Variants in MTFR1 observed in about 807,000 individuals in gnomAD.
MTFR1 encodes mitochondrial fission regulator 1.
A neutral mutation model predicts 38.8 loss-of-function variants in MTFR1; 28 were observed. That is an observed-to-expected ratio of 0.72 (90% CI 0.53 to 0.99). MTFR1 has a LOEUF of 0.99. MTFR1 is among the 50% of genes least tolerant of loss of function. MTFR1 has a pLI of 0.00. For synonymous variants in MTFR1, 145 were observed against 137.0 expected (o/e 1.06, Z -0.41); for missense variants, 358 against 395.5 (o/e 0.91, Z 0.81).
chr8:65,720,391 CT>C (rs942074908), intron 3 of MTFR1: 1 of 154,104 alleles, frequency 6.5e-6, no homozygotes, highest in Non-Finnish European at 1.5e-5. Context: ...TTAAAATTTT[CT>C]TCATATCCAA....
At position 65,704,925 on chromosome 8, in the gene MTFR1, T is replaced by C; in HGVS notation, c.513T>C (p.Thr171=). The part of the protein sequence containing the change: ...IVTQQEQQNL[T]AGDLDSTTFG... The stretch of plus-strand genomic sequence containing the variant: ...CCCAGCAGGAGCAGCAAAATCTCAC[T>C]GCAGGTCTGTAAGTCCTACATTTGT... The change falls in exon 5 of 8, where the codon ACT becomes ACC. Residue 171 remains threonine, a synonymous_variant. Transcript: ENST00000262146. 6.3e-7 allele frequency: 1 copy of C among 1,580,218 alleles called. No individual in the cohort carries two copies. Among genetic ancestry groups the C allele is most frequent in the Non-Finnish European group, 8.6e-7 (1 of 1,159,824 alleles).
downstream of MTFR1, among the ~76,000 whole-genome samples, chr8:65,715,107 G>T (rs1806079368): frequency 6.6e-6 from 1 of 152,052 alleles, no homozygotes; most frequent in Non-Finnish European, 1.5e-5. Context: ...AAAATTTTTA[G>T]TCTCCCATGT....
chr8:65,762,734 GATTT>G (rs1168995012), intron 3 of MTFR1, among the ~76,000 whole-genome samples: 1 of 151,970 alleles, frequency 6.6e-6, no homozygotes, highest in Admixed American at 6.6e-5. Context: ...AACAAAACCA[GATTT>G]ATTTTTCATG....
In MTFR1 at chr8:65,768,974, G is replaced by A. The variant is rs556568478; in HGVS notation, c.*49-1973G>A. Among the ~76,000 whole-genome samples, 13 of 152,230 alleles carry A rather than the reference G, an allele frequency of 8.5e-5. No homozygotes were observed. The East Asian group carries it at 9.6e-4, about 11-fold the overall frequency. On this transcript the variant is annotated intron_variant, in intron 3 of 3. Transcript: ENST00000521247. ...CTAAAAGTAACAGACATGGCCAGGC[G>A]AGGTGGCTCACACCTGTAATCCCAG...
chr8:65,704,672 C>T (rs1359702363), intron 4 of MTFR1, 22 bp from the exon 5 acceptor site: 1 of 1,603,904 alleles, frequency 6.2e-7, no homozygotes, highest in Admixed American at 1.7e-5. Context: ...CTGTGACAGC[C>T]CACCTTATGT....
chr8:65,718,391 T>G (rs535486762), intron 2 of MTFR1: 3 of 152,352 alleles, frequency 2.0e-5, no homozygotes, highest in East Asian at 3.9e-4. Context: ...CATCCCACTT[T>G]TATTTCAGAT....
downstream of MTFR1, chr8:65,714,280 T>C (rs1188977434): frequency 2.0e-5 from 3 of 151,590 alleles, no homozygotes; most frequent in East Asian, 5.8e-4. Context: ...AGAGTTTCAA[T>C]ATAATCTCTT....
intron 1 of MTFR1, among the ~76,000 whole-genome samples, chr8:65,653,986 C>A (rs146537996): frequency 6.6e-6 from 1 of 151,392 alleles, no homozygotes; most frequent in Non-Finnish European, 1.5e-5. Context: ...TCACTTGAGC[C>A]CGGGAGCTTA....
intron 2 of MTFR1, among the ~76,000 whole-genome samples, chr8:65,680,991 C>G (rs541945138): frequency 2.3e-4 from 34 of 149,696 alleles, no homozygotes; most frequent in Non-Finnish European, 3.8e-4. Flanking sequence ...CGGCTCACTG[C>G]AAGCTCCGCC....
downstream of MTFR1, among the ~76,000 whole-genome samples, chr8:65,775,104 T>C (rs2128922302): frequency 6.6e-6 from 1 of 152,288 alleles, no homozygotes; most frequent in South Asian, 2.1e-4. Flanking sequence ...AAATAGTCCA[T>C]TTCGATTCTT....
intron 2 of MTFR1, among the ~76,000 whole-genome samples, chr8:65,676,934 T>C (rs1378634082): frequency 6.6e-6 from 1 of 152,180 alleles, no homozygotes; most frequent in African/African-American, 2.4e-5. Context: ...ACACTGTTGC[T>C]AAATGTTATG....
chr8:65,758,527 T>G (rs1457282960), intron 3 of MTFR1, among the ~76,000 whole-genome samples: 1 of 152,184 alleles, frequency 6.6e-6, no homozygotes, highest in Non-Finnish European at 1.5e-5. Context: ...ACAAATCTTG[T>G]GGGGACACTC....
downstream of MTFR1, among the ~76,000 whole-genome samples, chr8:65,712,807 G>C (rs1488245026): frequency 6.6e-6 from 1 of 152,162 alleles, no homozygotes; most frequent in Non-Finnish European, 1.5e-5. Context: ...TGTTCTAACA[G>C]CCTGAGTGGA....
intron 1 of MTFR1, among the ~76,000 whole-genome samples, chr8:65,655,149 AC>A (rs1234491835): frequency 2.0e-5 from 3 of 152,212 alleles, no homozygotes; most frequent in African/African-American, 7.2e-5. Flanking sequence ...TGTGTCAATC[AC>A]TGTGGGGTTA....
At chr8:65,687,734 CTGTT>C (rs1805131008) in intron 3 of MTFR1, among the ~76,000 whole-genome samples, 1 of 152,098 alleles carries the variant, frequency 6.6e-6, no homozygotes, top group African/African-American at 2.4e-5. Context: ...GTCTTTCAGA[CTGTT>C]GTTCTTTACA....
At chr8:65,680,290 T>C (rs773689358) in intron 2 of MTFR1, among the ~76,000 whole-genome samples, 2 of 152,052 alleles carry the variant, frequency 1.3e-5, no homozygotes, top group African/African-American at 2.4e-5. Flanking sequence ...TAGACTCTCC[T>C]GTAGCTAGGA....
chr8:65,769,665 G>A (rs1031408215), intron 3 of MTFR1, among the ~76,000 whole-genome samples: 1 of 152,168 alleles, frequency 6.6e-6, no homozygotes, highest in Non-Finnish European at 1.5e-5. Context: ...GGAGGCTGAC[G>A]CAGGCAGATG....
At chr8:65,658,933 C>G (rs1186775396) in intron 1 of MTFR1, among the ~76,000 whole-genome samples, 1 of 152,050 alleles carries the variant, frequency 6.6e-6, no homozygotes, top group Non-Finnish European at 1.5e-5. Context: ...AAGCAGAAAC[C>G]CTTTGAGAAG....
chr8:65,772,771 A>G (rs1809144041), downstream of MTFR1, among the ~76,000 whole-genome samples: 1 of 152,220 alleles, frequency 6.6e-6, no homozygotes, highest in African/African-American at 2.4e-5. Context: ...TGGGAGGCCA[A>G]GGCAGGCAGA....
Sources: allele counts gnomAD v4.1 joint callset (sites outside exome capture counted in the v4.1 genomes callset), GRCh38; gene constraint gnomAD v4.1.1; transcripts MANE v1.5; gene names NCBI Gene and HGNC (gene_info 2026-07-23, HGNC 2026-07-21).